The following THEMIS variants were observed in gnomAD, a reference collection of about 807,000 sequenced individuals.
THEMIS encodes the protein protein THEMIS.
A neutral mutation model predicts 52.6 loss-of-function variants in THEMIS; 37 were observed. That is an observed-to-expected ratio of 0.70 (90% CI 0.54 to 0.93). The LOEUF (loss-of-function observed/expected upper bound fraction) is 0.93, where lower values mean the gene tolerates loss of function less well. THEMIS is among the 40% of genes least tolerant of loss of function. The pLI is 0.00. For missense variants in THEMIS, 808 were observed against 763.1 expected, an observed-to-expected ratio of 1.06 and a Z score of -0.69; for synonymous variants, 292 against 272.7, an observed-to-expected ratio of 1.07 and a Z score of -0.70.
chr6:127,811,845 T>A (rs1777918443), intron 4 of THEMIS, among the ~76,000 whole-genome samples: 1 of 152,220 alleles, frequency 6.6e-6, no homozygotes, highest in South Asian at 2.1e-4. Context: ...CAAAACTGTT[T>A]GTCTGGGAAG....
chr6:127,873,786 T>G (rs1780228034), intron 1 of THEMIS, among the ~76,000 whole-genome samples: 1 of 152,208 alleles, frequency 6.6e-6, no homozygotes. Context: ...TTATGTGTAT[T>G]ACATACCGTA....
At chr6:127,828,380 T>G (rs1238599312) in intron 3 of THEMIS, among the ~76,000 whole-genome samples, 2 of 152,206 alleles carry the variant, frequency 1.3e-5, no homozygotes, top group African/African-American at 4.8e-5. Flanking sequence ...CTCAATTTTT[T>G]GTAATACTAA....
At chr6:127,818,048 A>G (rs1778196500) in intron 3 of THEMIS, among the ~76,000 whole-genome samples, 1 of 152,178 alleles carries the variant, frequency 6.6e-6, no homozygotes, top group Admixed American at 6.5e-5. Flanking sequence ...GTGCTTTACC[A>G]GAGACTAACT....
chr6:127,884,735 T>C (rs1383924557), intron 1 of THEMIS, among the ~76,000 whole-genome samples: 1 of 152,158 alleles, frequency 6.6e-6, no homozygotes, highest in African/African-American at 2.4e-5. Flanking sequence ...GACTGGGTAG[T>C]TTAAATAATA....
intron 3 of THEMIS, among the ~76,000 whole-genome samples, chr6:127,826,406 T>A (rs1019961178): frequency 3.9e-5 from 6 of 152,198 alleles, no homozygotes; most frequent in African/African-American, 1.2e-4. Context: ...AATATGCAGA[T>A]ACAACTGTTC....
At chr6:127,784,417 C>T (rs1776853095) in intron 4 of THEMIS, among the ~76,000 whole-genome samples, 1 of 152,070 alleles carries the variant, frequency 6.6e-6, no homozygotes. Context: ...CCAGCAAAGT[C>T]CAGACTCTCA....
At chr6:127,782,306 C>T (rs1026272704) in intron 4 of THEMIS, among the ~76,000 whole-genome samples, 1 of 152,062 alleles carries the variant, frequency 6.6e-6, no homozygotes, top group Non-Finnish European at 1.5e-5. Context: ...GGGGAGTGAA[C>T]AGTTCTGTCT....
chr6:127,788,232 A>C (rs187455167), intron 4 of THEMIS, among the ~76,000 whole-genome samples: 4 of 152,342 alleles, frequency 2.6e-5, no homozygotes, highest in Admixed American at 6.5e-5. Flanking sequence ...TTTGCTATTC[A>C]ACCCTACTTT....
Position 127,832,108 on chromosome 6 carries a change from G to C in THEMIS, c.251-2174C>G, listed in dbSNP as rs149016491. On this transcript the variant is annotated intron_variant, in intron 2 of 5. Coordinates refer to ENST00000368248, the MANE Select transcript of THEMIS (RefSeq NM_001010923.3). ...GTTTTATTTTTATCCTAGCTATATCGATGACATAAGTCACAGAAGAATTAA... is the reference window on the plus strand; with the variant it reads ...GTTTTATTTTTATCCTAGCTATATCCATGACATAAGTCACAGAAGAATTAA... Among the ~76,000 whole-genome samples the C allele has an allele frequency of 1.8e-3, 277 of 152,162 alleles. 2 individuals carry two copies. The highest frequency in any genetic ancestry group is 3.4e-3 in the Non-Finnish European group (232 of 67,980).
chr6:127,794,560 CCT>C (rs1025334984), intron 4 of THEMIS, among the ~76,000 whole-genome samples: 20 of 152,116 alleles, frequency 1.3e-4, no homozygotes, highest in African/African-American at 4.8e-4. Flanking sequence ...ACTTCAGCAC[CCT>C]GAGTAGCTGG....
upstream of THEMIS, among the ~76,000 whole-genome samples, chr6:127,904,925 G>A (rs1195473315): frequency 6.6e-6 from 1 of 151,784 alleles, no homozygotes; most frequent in Non-Finnish European, 1.5e-5. Context: ...TGGGAGCGTA[G>A]GAAATATCTG....
Position 127,813,987 on chromosome 6 carries a change from G to C in THEMIS, c.710-56C>G, listed in dbSNP as rs1001986509. The C allele has an allele frequency of 3.6e-6, 5 of 1,383,462 alleles. No individual in the cohort carries two copies. The African/African-American group carries it at 5.8e-5, about 16-fold the overall frequency. 85.7% of individuals were successfully genotyped at this position (1,383,462 alleles called of 1,614,324 possible). A position where few individuals can be genotyped will look rare whatever the true frequency, so the allele number is the denominator to read the frequency against. On this transcript the variant is annotated intron_variant, in intron 3 of 5. Transcript: ENST00000368248. ...TTTTGTACTTCAAAACGTTTGCTGT[G>C]AGATACTCTCCTGATGCCATAAATA...
chr6:127,763,954 G>A (rs1010424923), intron 4 of THEMIS, among the ~76,000 whole-genome samples: 6 of 151,596 alleles, frequency 4.0e-5, no homozygotes, highest in Non-Finnish European at 7.4e-5. Context: ...TATTACTATC[G>A]AAGAGATCAT....
At chr6:127,734,919 G>A (rs1178730035) in intron 4 of THEMIS, among the ~76,000 whole-genome samples, 86 of 129,012 alleles carry the variant, frequency 6.7e-4, no homozygotes, top group Non-Finnish European at 1.2e-3. Flanking sequence ...ATATATGTGT[G>A]TGTGTGTGTG....
intron 3 of THEMIS, among the ~76,000 whole-genome samples, chr6:127,821,540 A>G (rs930664421): frequency 2.4e-4 from 37 of 152,058 alleles, no homozygotes; most frequent in African/African-American, 8.9e-4. Context: ...CCTGTGAAAA[A>G]CAATTTCCAT....
At chr6:127,741,858 G>A (rs979386038) in intron 4 of THEMIS, among the ~76,000 whole-genome samples, 2 of 152,154 alleles carry the variant, frequency 1.3e-5, no homozygotes, top group African/African-American at 4.8e-5. Context: ...ACTGGCAGTA[G>A]CGAAAATGAT....
upstream of THEMIS, among the ~76,000 whole-genome samples, chr6:127,904,887 CAG>C (rs1054758178): frequency 8.6e-5 from 13 of 151,968 alleles, no homozygotes; most frequent in African/African-American, 3.1e-4. Flanking sequence ...ATGGGACATA[CAG>C]TAAGAGAGGA....
chr6:127,904,651 C>T (rs1309061505), upstream of THEMIS, among the ~76,000 whole-genome samples: 1 of 151,934 alleles, frequency 6.6e-6, no homozygotes, highest in Non-Finnish European at 1.5e-5. Flanking sequence ...GAAGACAGGA[C>T]AGAGAAAGAC....
chr6:127,818,766 T>C (rs1778222034), intron 3 of THEMIS, among the ~76,000 whole-genome samples: 1 of 149,544 alleles, frequency 6.7e-6, no homozygotes, highest in South Asian at 2.1e-4. Flanking sequence ...TAGGGAAAGA[T>C]GGGTGATGTA....
Sources: gnomAD v4.1 joint callset for allele counts (sites outside exome capture counted in the v4.1 genomes callset) on GRCh38, gnomAD v4.1.1 for gene constraint, MANE v1.5 for transcripts, NCBI Gene and HGNC (gene_info 2026-07-23, HGNC 2026-07-21) for gene names.